Variants in NYAP1 observed in about 807,000 individuals in gnomAD.
NYAP1 encodes neuronal tyrosine phosphorylated phosphoinositide-3-kinase adaptor 1.
A neutral mutation model predicts 58.6 loss-of-function variants in NYAP1; 20 were observed. The observed-to-expected ratio is 0.34, with a 90% confidence interval of 0.24 to 0.50. NYAP1 has a LOEUF of 0.50. NYAP1 is among the 20% of genes least tolerant of loss of function. The probability of loss-of-function intolerance (pLI) is 0.98; values close to 1 mark genes in which losing one functional copy is unlikely to be tolerated. For synonymous variants in NYAP1, 572 were observed against 523.1 expected (o/e 1.09, Z -1.27); for missense variants, 1,150 against 1,194.5 (o/e 0.96, Z 0.55).
Position 100,490,965 on chromosome 7 carries a change from C to T in NYAP1, c.2159-21C>T, listed in dbSNP as rs1799787710. On this transcript the variant is annotated intron_variant, in intron 5 of 6. Transcript: ENST00000300179. The surrounding 1 kb of genome is among the most constrained non-coding windows in gnomAD (Gnocchi z 4.6). ...GTACCTGAGGCCCCTGCACTCCTCA[C>T]TCCTCCTTCTTCCACCTCAGACTTC... 1.3e-6 allele frequency: 2 copies of T among 1,491,266 alleles called. No homozygotes were observed. Among genetic ancestry groups the T allele is most frequent in the African/African-American group, 1.4e-5 (1 of 71,898 alleles). 92.4% of individuals were successfully genotyped at this position (1,491,266 alleles called of 1,614,324 possible).
chr7:100,490,398 T>G lies in NYAP1; in HGVS notation c.1946-119T>G. On this transcript the variant is annotated intron_variant, in intron 4 of 6. Transcript: ENST00000300179. This position sits in a 1 kb window ranked among gnomAD's most constrained non-coding sequence, Gnocchi z 4.6. ...GTGTGAAGGAGCCCCATCCCAGCCG[T>G]TACTTGCAAAAGGGGCAATTGTGTC... 1.1e-6 allele frequency: 1 copy of G among 900,884 alleles called. No individual in the cohort carries two copies. Among genetic ancestry groups the G allele is most frequent in the Non-Finnish European group, 1.8e-6 (1 of 562,706 alleles). 55.8% of individuals were successfully genotyped at this position (900,884 alleles called of 1,614,324 possible).
Position 100,493,974 on chromosome 7 carries a change from C to T in NYAP1, c.*71C>T. ...GCACGCCTGGCTCTCCCGGGAGCCT[C>T]GCCTTGAGAGACATTGAAAGACTAC... On this transcript the variant is annotated 3_prime_UTR_variant, in exon 7 of 7. Coordinates refer to ENST00000300179, the MANE Select transcript of NYAP1 (RefSeq NM_173564.4). 1.6e-6 allele frequency: 2 copies of T among 1,282,200 alleles called. No homozygotes were observed. The highest frequency in any genetic ancestry group is 1.6e-5 in the South Asian group (1 of 62,002). 79.4% of individuals were successfully genotyped at this position (1,282,200 alleles called of 1,614,324 possible). A position where few individuals can be genotyped will look rare whatever the true frequency, so the allele number is the denominator to read the frequency against.
intron 6 of NYAP1, among the ~76,000 whole-genome samples, 164 bp from the exon 7 acceptor site, chr7:100,493,482 C>A (rs1223892384): frequency 6.6e-6 from 1 of 152,214 alleles, no homozygotes; most frequent in Non-Finnish European, 1.5e-5. Context: ...GGATTTTGGC[C>A]CCCATGGGCC....
chr7:100,484,503 A>C (rs906435017), intron 1 of NYAP1, among the ~76,000 whole-genome samples: 30 of 152,154 alleles, frequency 2.0e-4, no homozygotes, highest in African/African-American at 7.2e-4. Flanking sequence ...ACCAAGGCCC[A>C]GGCCCGGGGA....
At position 100,486,971 on chromosome 7, in the gene NYAP1, C is replaced by G. The variant is rs367927084; in HGVS notation, c.219C>G (p.Pro73=). 1 of 1,607,370 alleles carries G rather than the reference C, an allele frequency of 6.2e-7. No homozygotes were observed. The change falls in exon 3 of 7, where the codon CCC becomes CCG. Residue 73 remains proline (P), a synonymous_variant. Transcript: ENST00000300179. The surrounding 1 kb of genome is among the most constrained non-coding windows in gnomAD (Gnocchi z 6.2). ...CCTCCCAGGAGCACACCCCGCACCC[C>G]TGCCGCAGCGCCATGGCCCCACGCT... The part of the protein sequence containing the change: ...MPASQEHTPH[P]CRSAMAPRSL...
chr7:100,484,005 C>A lies in NYAP1; in HGVS notation c.-85+4C>A, dbSNP rs545066316. ...GGGCCGGCGCCCGGCAGGCCAGGTACGGTGATGGAGAACCTGGGGAGGCTT... is the reference window on the plus strand; with the variant it reads ...GGGCCGGCGCCCGGCAGGCCAGGTAAGGTGATGGAGAACCTGGGGAGGCTT... On this transcript the variant is annotated splice_donor_region_variant and intron_variant, in intron 1 of 6. Transcript: ENST00000300179. The A allele has an allele frequency of 1.9e-3, 292 of 153,138 alleles. No individual in the cohort carries two copies. The highest frequency in any genetic ancestry group is 3.4e-3 in the Non-Finnish European group (231 of 68,804). The allele number at this position is 153,138 out of a possible 1,614,324, so 9.5% of individuals were successfully genotyped here.
intron 6 of NYAP1, among the ~76,000 whole-genome samples, chr7:100,491,940 G>A (rs1342135536): frequency 1.3e-5 from 2 of 152,186 alleles, no homozygotes; most frequent in African/African-American, 2.4e-5. Flanking sequence ...CCAGCTACTC[G>A]GGAGGCAGAG....
In NYAP1 at chr7:100,489,187, A is replaced by C. The variant is rs777510048; in HGVS notation, c.1466A>C (p.Glu489Ala). Residue 489 changes from glutamate (E) to alanine (A), a missense_variant, in exon 4 of 7, where the codon GAG becomes GCG. Physicochemically the swap from Glu to Ala is moderately radical, Grantham distance 107. Coordinates refer to ENST00000300179, the MANE Select transcript of NYAP1 (RefSeq NM_173564.4). ...CTGGGTGCTGGGGAGCCAAAGACGG[A>C]GAAGGAGATCTCGGTCCTCCATGGG... ...PPLGAGEPKTEKEISVLHGML... is the reference protein window; with the variant it reads ...PPLGAGEPKTAKEISVLHGML... 1.4e-5 allele frequency: 22 copies of C among 1,611,128 alleles called. No individual in the cohort carries two copies. The highest frequency in any genetic ancestry group is 1.7e-5 in the Non-Finnish European group (20 of 1,179,298).
rs552035710 is a variant in NYAP1, at chr7:100,489,324, C to T, written c.1603C>T (p.His535Tyr). 61 of 1,606,388 alleles carry T rather than the reference C, an allele frequency of 3.8e-5. No individual in the cohort carries two copies. The highest frequency in any genetic ancestry group is 1.6e-4 in the South Asian group (14 of 90,200). The change falls in exon 4 of 7, where the codon CAC becomes TAC. Residue 535 changes from histidine to tyrosine, a missense_variant. Transcript: ENST00000300179. ...LHHRGCLASPHSLPDPTVGPL... is the reference protein window; with the variant it reads ...LHHRGCLASPYSLPDPTVGPL... Reference sequence around the variant, plus strand: ...CCACCGCGGCTGCCTGGCCTCCCCCCACAGCCTTCCGGACCCAACTGTAGG... The same window carrying T: ...CCACCGCGGCTGCCTGGCCTCCCCCTACAGCCTTCCGGACCCAACTGTAGG...
rs752378377 is a variant in NYAP1, at chr7:100,493,774, G to A, written c.2397G>A (p.Pro799=). Residue 799 remains proline (P), a synonymous_variant, in exon 7 of 7, where the codon CCG becomes CCA. Coordinates refer to ENST00000300179, the MANE Select transcript of NYAP1 (RefSeq NM_173564.4). Reference sequence around the variant, plus strand: ...AGGAGATCAAGGCGCGCCACCGCCCGGACCGAGGCCTCTGCAAGCAGGAGA... The same window carrying A: ...AGGAGATCAAGGCGCGCCACCGCCCAGACCGAGGCCTCTGCAAGCAGGAGA... The part of the protein sequence containing the change: ...VCKEIKARHR[P]DRGLCKQESM... The A allele has an allele frequency of 3.1e-6, 5 of 1,605,504 alleles. No individual in the cohort carries two copies. In the South Asian group the frequency reaches 4.4e-5, roughly 14 times the overall value.
chr7:100,488,482 C>T lies in NYAP1; in HGVS notation c.761C>T (p.Ser254Phe), dbSNP rs776391703. 1 of 1,612,292 alleles carries T rather than the reference C, an allele frequency of 6.2e-7. No homozygotes were observed. Among genetic ancestry groups the T allele is most frequent in the Non-Finnish European group, 8.5e-7 (1 of 1,179,802 alleles). The change falls in exon 4 of 7, where the codon TCT (serine) becomes TTT (phenylalanine). Residue 254 changes from serine to phenylalanine, a missense_variant. Coordinates refer to ENST00000300179, the MANE Select transcript of NYAP1 (RefSeq NM_173564.4). The surrounding 1 kb of genome is among the most constrained non-coding windows in gnomAD (Gnocchi z 5.9). ...CCTCCAGCGGGCGCCGACTCGGACT[C>T]TGAAGAGAGTGAGGCCATCTATGAA... ...PTPPAGADSD[S>F]EESEAIYEEM...
intron 1 of NYAP1, among the ~76,000 whole-genome samples, 154 bp downstream of exon 1, chr7:100,484,155 G>A (rs1214564828): frequency 6.6e-6 from 1 of 152,172 alleles, no homozygotes; most frequent in African/African-American, 2.4e-5. Context: ...GCCCTTGGAT[G>A]GAGAAGGGGG....
At chr7:100,491,366 G>A (rs1799793796) in intron 6 of NYAP1, among the ~76,000 whole-genome samples, 1 of 152,088 alleles carries the variant, frequency 6.6e-6, no homozygotes, top group African/African-American at 2.4e-5. Flanking sequence ...AGAAGCCAAG[G>A]CAGGTAGATT....
In NYAP1 at chr7:100,487,549, A is replaced by G. The variant is rs1446582361; in HGVS notation, c.430+367A>G. 6.6e-6 allele frequency among the ~76,000 whole-genome samples: 1 copy of G among 151,896 alleles called. No individual in the cohort carries two copies. The highest frequency in any genetic ancestry group is 2.4e-5 in the African/African-American group (1 of 41,354). On this transcript the variant is annotated intron_variant, in intron 3 of 6. Transcript: ENST00000300179. This position sits in a 1 kb window ranked among gnomAD's most constrained non-coding sequence, Gnocchi z 4.1. ...CAGAGTCTCGCTCTGTTGCCCAGGC[A>G]GGAGTGCAGTGGTGCGATCTCAGCT...
Position 100,487,559 on chromosome 7 carries a change from T to C in NYAP1, c.430+377T>C, listed in dbSNP as rs1281899009. ...CTCTGTTGCCCAGGCAGGAGTGCAGTGGTGCGATCTCAGCTCACTGCATCC... is the reference window on the plus strand; with the variant it reads ...CTCTGTTGCCCAGGCAGGAGTGCAGCGGTGCGATCTCAGCTCACTGCATCC... On this transcript the variant is annotated intron_variant, in intron 3 of 6. Coordinates refer to ENST00000300179, the MANE Select transcript of NYAP1 (RefSeq NM_173564.4). This position sits in a 1 kb window ranked among gnomAD's most constrained non-coding sequence, Gnocchi z 4.1. Among the ~76,000 whole-genome samples the C allele has an allele frequency of 6.6e-6, 1 of 151,996 alleles. No individual in the cohort carries two copies. Among genetic ancestry groups the C allele is most frequent in the East Asian group, 1.9e-4 (1 of 5,170 alleles).
At position 100,488,234 on chromosome 7, in the gene NYAP1, G is replaced by A; in HGVS notation, c.513G>A (p.Gln171=). The change falls in exon 4 of 7, where the codon CAG becomes CAA. Residue 171 remains glutamine (Q), a synonymous_variant. Coordinates refer to ENST00000300179, the MANE Select transcript of NYAP1 (RefSeq NM_173564.4). This position sits in a 1 kb window ranked among gnomAD's most constrained non-coding sequence, Gnocchi z 5.9. ...PQKPRRSPNT[Q]LSVSFDESCP... ...AGCCCAGGCGAAGCCCTAACACCCA[G>A]CTCTCTGTCTCCTTCGATGAGTCCT... 1 of 1,613,910 alleles carries A rather than the reference G, an allele frequency of 6.2e-7. No homozygotes were observed. The highest frequency in any genetic ancestry group is 8.5e-7 in the Non-Finnish European group (1 of 1,179,900).
Position 100,488,755 on chromosome 7 carries a change from C to G in NYAP1, c.1034C>G (p.Ser345Cys), listed in dbSNP as rs774627495. Residue 345 changes from serine to cysteine, a missense_variant, in exon 4 of 7, where the codon TCT (serine) becomes TGT (cysteine). Coordinates refer to ENST00000300179, the MANE Select transcript of NYAP1 (RefSeq NM_173564.4). This position sits in a 1 kb window ranked among gnomAD's most constrained non-coding sequence, Gnocchi z 5.9. ...CTCCTGGCCTTCCCCCAAGCCAAGT[C>G]TGCTTCCCGAACCCCTGGCGATGGG... ...PPLLAFPQAKSASRTPGDGVS... is the reference protein window; with the variant it reads ...PPLLAFPQAKCASRTPGDGVS... 1.2e-6 allele frequency: 2 copies of G among 1,602,254 alleles called. No homozygotes were observed. Among genetic ancestry groups the G allele is most frequent in the African/African-American group, 2.7e-5 (2 of 74,516 alleles).
In NYAP1 at chr7:100,488,183, G is replaced by A; in HGVS notation, c.462G>A (p.Glu154=). 6.2e-7 allele frequency: 1 copy of A among 1,605,998 alleles called. No individual in the cohort carries two copies. The highest frequency in any genetic ancestry group is 8.5e-7 in the Non-Finnish European group (1 of 1,177,348). ...GSQKPTPEGR[E]SSRKVPPQKP... ...AGAAGCCAACCCCAGAGGGCCGAGA[G>A]TCCAGCCGGAAGGTTCCTCCGCAGA... The change falls in exon 4 of 7, where the codon GAG becomes GAA. Residue 154 remains glutamate (E), a synonymous_variant. Coordinates refer to ENST00000300179, the MANE Select transcript of NYAP1 (RefSeq NM_173564.4). This position sits in a 1 kb window ranked among gnomAD's most constrained non-coding sequence, Gnocchi z 5.9.
chr7:100,484,335 G>T (rs1195593701), intron 1 of NYAP1, among the ~76,000 whole-genome samples: 2 of 152,130 alleles, frequency 1.3e-5, no homozygotes, highest in African/African-American at 2.4e-5. Context: ...GGCCAGACTG[G>T]AGCCCCCCGG....
Sources: allele counts gnomAD v4.1 joint callset (sites outside exome capture counted in the v4.1 genomes callset), GRCh38; gene constraint gnomAD v4.1.1; non-coding constraint Gnocchi (gnomAD v3.1); transcripts MANE v1.5; gene names NCBI Gene and HGNC (gene_info 2026-07-23, HGNC 2026-07-21).